The following IFT80 variants were observed in gnomAD, a reference collection of about 807,000 sequenced individuals.
IFT80 encodes the protein intraflagellar transport protein 80 homolog.
A neutral mutation model predicts 107.9 loss-of-function variants in IFT80; 79 were observed. That is an observed-to-expected ratio of 0.73 (90% CI 0.61 to 0.88). The LOEUF is 0.88. Ranked by LOEUF, IFT80 falls within the 40% of genes least tolerant of loss-of-function variation. The probability of loss-of-function intolerance (pLI) is 0.00; values close to 1 mark genes in which losing one functional copy is unlikely to be tolerated. For missense variants in IFT80, 797 were observed against 914.2 expected, an observed-to-expected ratio of 0.87 and a Z score of 1.65; for synonymous variants, 299 against 300.9, an observed-to-expected ratio of 0.99 and a Z score of 0.07.
At chr3:160,297,480 T>C (rs1022341603) in intron 12 of IFT80, among the ~76,000 whole-genome samples, 2 of 152,076 alleles carry the variant, frequency 1.3e-5, no homozygotes. Flanking sequence ...GTGTATAACA[T>C]GAAATTTAAT....
At chr3:160,290,589 G>A (rs1221806278) in intron 12 of IFT80, among the ~76,000 whole-genome samples, 3 of 151,970 alleles carry the variant, frequency 2.0e-5, no homozygotes, top group Admixed American at 6.6e-5. Flanking sequence ...GTTTTGTTTT[G>A]TTTTGTTTAG....
intron 8 of IFT80, among the ~76,000 whole-genome samples, chr3:160,344,369 G>T (rs1022318100): frequency 8.5e-5 from 13 of 152,092 alleles, no homozygotes; most frequent in African/African-American, 2.9e-4. Context: ...AACAAATGGT[G>T]CTGGGAAGAC....
chr3:160,371,826 G>A (rs1367241591), intron 5 of IFT80, among the ~76,000 whole-genome samples: 2 of 152,132 alleles, frequency 1.3e-5, no homozygotes, highest in East Asian at 3.8e-4. Context: ...TCCTCCACTT[G>A]AAAATAGTGT....
At position 160,279,280 on chromosome 3, in the gene IFT80, G is replaced by A; in HGVS notation, c.1749C>T (p.Ile583=). The A allele has an allele frequency of 6.2e-7, 1 of 1,612,214 alleles. No individual in the cohort carries two copies. Among genetic ancestry groups the A allele is most frequent in the Non-Finnish European group, 8.5e-7 (1 of 1,178,384 alleles). ...IRRADGSLVH[I]SITPYPAILH... ...GAATAGCAGGATATGGTGTTATGCTGATGTGAACCAGGGAGCCATCAGCTC... is the reference window on the plus strand; with the variant it reads ...GAATAGCAGGATATGGTGTTATGCTAATGTGAACCAGGGAGCCATCAGCTC... The change falls in exon 16 of 20, where the codon ATC becomes ATT. Residue 583 remains isoleucine (I), a synonymous_variant. Coordinates refer to ENST00000326448, the MANE Select transcript of IFT80 (RefSeq NM_020800.3).
intron 8 of IFT80, among the ~76,000 whole-genome samples, chr3:160,340,765 A>G (rs948510066): frequency 2.6e-5 from 4 of 152,170 alleles, no homozygotes; most frequent in Admixed American, 6.5e-5. Flanking sequence ...ATAATCCAGG[A>G]TAGTTTTAGC....
intron 8 of IFT80, among the ~76,000 whole-genome samples, chr3:160,337,635 G>T (rs1043856581): frequency 1.3e-5 from 2 of 151,640 alleles, no homozygotes; most frequent in African/African-American, 4.8e-5. Flanking sequence ...AAAAAAAAAA[G>T]GTAAGAATAG....
chr3:160,369,227 T>C (rs961917287), intron 5 of IFT80, among the ~76,000 whole-genome samples: 1 of 151,972 alleles, frequency 6.6e-6, no homozygotes, highest in African/African-American at 2.4e-5. Context: ...AAAAGTTAAG[T>C]AATTCCTTTG....
At chr3:160,346,340 A>T (rs1720291308) in intron 8 of IFT80, among the ~76,000 whole-genome samples, 2 of 152,348 alleles carry the variant, frequency 1.3e-5, no homozygotes, top group South Asian at 2.1e-4. Context: ...ACATATATCA[A>T]AACATCACAT....
chr3:160,366,009 C>A, intron 6 of IFT80, 34 bp downstream of exon 6: 2 of 1,507,476 alleles, frequency 1.3e-6, no homozygotes, highest in East Asian at 4.5e-5. Context: ...GTCAGGCAGA[C>A]CCTGATAACA....
intron 12 of IFT80, among the ~76,000 whole-genome samples, chr3:160,294,427 C>A (rs1338855277): frequency 2.0e-5 from 3 of 152,120 alleles, no homozygotes; most frequent in Non-Finnish European, 4.4e-5. Context: ...CACCATGTTG[C>A]GCAGGCTGGT....
chr3:160,297,932 A>G (rs925573474), intron 12 of IFT80, among the ~76,000 whole-genome samples: 29 of 152,150 alleles, frequency 1.9e-4, no homozygotes, highest in African/African-American at 7.0e-4. Flanking sequence ...TGAACAACTA[A>G]GGAGCTGTGA....
At position 160,332,359 on chromosome 3, in the gene IFT80, G is replaced by A. The variant is rs1231869145; in HGVS notation, c.778-12420C>T. Among the ~76,000 whole-genome samples the A allele has an allele frequency of 2.0e-5, 3 of 152,176 alleles. No individual in the cohort carries two copies. In the East Asian group the frequency reaches 5.8e-4, roughly 29 times the overall value. ...CAGCAGGTGGGGAGCAAAAGAGAGAGGGTGAAACCTTTGGGTGGAGGCTTT... is the reference window on the plus strand; with the variant it reads ...CAGCAGGTGGGGAGCAAAAGAGAGAAGGTGAAACCTTTGGGTGGAGGCTTT... On this transcript the variant is annotated intron_variant, in intron 8 of 19. Coordinates refer to ENST00000326448, the MANE Select transcript of IFT80 (RefSeq NM_020800.3).
At chr3:160,310,383 A>C (rs1455447693) in intron 9 of IFT80, among the ~76,000 whole-genome samples, 1 of 152,254 alleles carries the variant, frequency 6.6e-6, no homozygotes, top group Non-Finnish European at 1.5e-5. Context: ...ATCAATGACA[A>C]GAAAAAAGAA....
In IFT80 at chr3:160,267,919, G is replaced by A. The variant is rs142058912; in HGVS notation, c.2223+494C>T. ...AATCTGAGATTCTGGTAGGAGCCTG[G>A]AAGGCAAAGGCTGAGTCTTCTTTGG... On this transcript the variant is annotated intron_variant, in intron 19 of 19. Transcript: ENST00000326448. Among the ~76,000 whole-genome samples the A allele has an allele frequency of 9.0e-4, 137 of 152,248 alleles. 3 individuals carry two copies. In the East Asian group the frequency reaches 0.026, roughly 29 times the overall value.
At chr3:160,363,430 C>T (rs958911749) in intron 6 of IFT80, among the ~76,000 whole-genome samples, 8 of 152,206 alleles carry the variant, frequency 5.3e-5, no homozygotes, top group South Asian at 2.1e-4. Flanking sequence ...GTGAAAATGG[C>T]CATACTGCCC....
chr3:160,340,468 C>G (rs927842657), intron 8 of IFT80, among the ~76,000 whole-genome samples: 9 of 152,194 alleles, frequency 5.9e-5, no homozygotes, highest in Non-Finnish European at 8.8e-5. Flanking sequence ...AGGCTGCATT[C>G]CTTTCTGGAA....
At chr3:160,390,769 C>G (rs183745368) in intron 1 of IFT80, among the ~76,000 whole-genome samples, 1 of 152,268 alleles carries the variant, frequency 6.6e-6, no homozygotes, top group Admixed American at 6.5e-5. Context: ...CTGAAACCAA[C>G]AGTGGCTATT....
intron 10 of IFT80, among the ~76,000 whole-genome samples, chr3:160,305,394 C>T (rs1716765981): frequency 6.6e-6 from 1 of 151,960 alleles, no homozygotes; most frequent in Admixed American, 6.6e-5. Context: ...TTACTAATTA[C>T]TGATTTAGTA....
intron 18 of IFT80, among the ~76,000 whole-genome samples, chr3:160,276,802 C>G (rs1362171033): frequency 6.6e-6 from 1 of 152,188 alleles, no homozygotes; most frequent in East Asian, 1.9e-4. Context: ...TCTTTCCTTT[C>G]ATCCATCTCA....
Sources: gnomAD v4.1 joint callset for allele counts (sites outside exome capture counted in the v4.1 genomes callset) on GRCh38, gnomAD v4.1.1 for gene constraint, MANE v1.5 for transcripts, NCBI Gene and HGNC (gene_info 2026-07-23, HGNC 2026-07-21) for gene names.